EIF4E: variants seen among roughly 807,000 people sequenced by gnomAD.
The protein encoded by EIF4E is eukaryotic translation initiation factor 4E, also known as eIF-4F 25 kDa subunit.
For synonymous variants in EIF4E, 71 were observed against 88.5 expected (o/e 0.80, Z 1.11); for missense variants, 113 against 265.6 (o/e 0.43, Z 3.99).
intron 6 of EIF4E, among the ~76,000 whole-genome samples, chr4:98,883,393 A>ATTTTTTTT (rs11408890): frequency 2.2e-4 from 23 of 103,894 alleles, no homozygotes; most frequent in South Asian, 6.5e-4. Context: ...TGTAAGTCAA[A>ATTTTTTTT]TTTTTTTTTT....
chr4:98,887,261 A>G lies in EIF4E; in HGVS notation c.286-69T>C. ...TGACTTTGAGAGATAATCATTAGAAACAGTTAAGCAACAACACTGTCAACT... is the reference window on the plus strand; with the variant it reads ...TGACTTTGAGAGATAATCATTAGAAGCAGTTAAGCAACAACACTGTCAACT... On this transcript the variant is annotated intron_variant, in intron 4 of 6. Transcript: ENST00000450253. This position sits in a 1 kb window ranked among gnomAD's most constrained non-coding sequence, Gnocchi z 4.0. The G allele has an allele frequency of 6.7e-7, 1 of 1,486,568 alleles. No homozygotes were observed. Among genetic ancestry groups the G allele is most frequent in the Non-Finnish European group, 9.4e-7 (1 of 1,065,450 alleles). 92.1% of individuals were successfully genotyped at this position (1,486,568 alleles called of 1,614,324 possible). A position where few individuals can be genotyped will look rare whatever the true frequency, so the allele number is the denominator to read the frequency against.
At chr4:98,881,223 A>G (rs1723679787) in intron 6 of EIF4E, 81 bp from the exon 7 acceptor site, 2 of 1,520,286 alleles carry the variant, frequency 1.3e-6, no homozygotes, top group Non-Finnish European at 1.8e-6. Flanking sequence ...ATTTAGGGTT[A>G]TTAGTCTTTA....
chr4:98,915,348 A>G (rs575188190), intron 1 of EIF4E, among the ~76,000 whole-genome samples: 9 of 152,258 alleles, frequency 5.9e-5, no homozygotes. Flanking sequence ...GTGAACCAAA[A>G]TATTACCAGA....
chr4:98,887,931 C>A lies in EIF4E; in HGVS notation c.243G>T (p.Leu81Phe), dbSNP rs1191807310. The A allele has an allele frequency of 6.2e-7, 1 of 1,612,558 alleles. No individual in the cohort carries two copies. The highest frequency in any genetic ancestry group is 1.7e-5 in the Admixed American group (1 of 59,972). The change falls in exon 4 of 7, where the codon TTG becomes TTT. Residue 81 changes from leucine (L) to phenylalanine (F), a missense_variant. Coordinates refer to ENST00000450253, the MANE Select transcript of EIF4E (RefSeq NM_001968.5). The surrounding 1 kb of genome is among the most constrained non-coding windows in gnomAD (Gnocchi z 4.0). ...CACAGCCAGGCATTAAATTACTAGA[C>A]AACTGGATATGGTTGTACAGACTAG... ...DFWALYNHIQ[L>F]SSNLMPGCDY...
chr4:98,901,791 A>G, intron 2 of EIF4E, 85 bp downstream of exon 2: 1 of 1,253,898 alleles, frequency 8.0e-7, no homozygotes, highest in Admixed American at 1.7e-5. Flanking sequence ...AACTAGTCTC[A>G]TAATCTAACT....
At chr4:98,888,007 G>T (rs896672054) in intron 3 of EIF4E, 55 bp from the exon 4 acceptor site, 27 of 1,399,644 alleles carry the variant, frequency 1.9e-5, no homozygotes, top group Middle Eastern at 2.5e-4. Context: ...TAGAGTTTAG[G>T]TGCTTACATA....
intron 1 of EIF4E, among the ~76,000 whole-genome samples, chr4:98,927,753 C>A (rs921737145): frequency 3.5e-5 from 5 of 141,282 alleles, no homozygotes; most frequent in South Asian, 2.3e-4. Flanking sequence ...AAAAGATACA[C>A]AAAAGTATCT....
intron 2 of EIF4E, among the ~76,000 whole-genome samples, chr4:98,893,267 G>A (rs1325818704): frequency 6.6e-6 from 1 of 152,230 alleles, no homozygotes; most frequent in Non-Finnish European, 1.5e-5. Context: ...GCTGCTGACT[G>A]ATCAGAGTAG....
chr4:98,902,166 G>T (rs1322923944), intron 1 of EIF4E, among the ~76,000 whole-genome samples, 184 bp from the exon 2 acceptor site: 2 of 152,072 alleles, frequency 1.3e-5, no homozygotes, highest in Non-Finnish European at 2.9e-5. Flanking sequence ...CCTCCTCCCA[G>T]GTTCAAGCAG....
intron 2 of EIF4E, among the ~76,000 whole-genome samples, chr4:98,901,526 G>T (rs1019528399): frequency 1.2e-4 from 18 of 152,106 alleles, no homozygotes; most frequent in African/African-American, 3.6e-4. Context: ...CACTGTCTTT[G>T]TATGTCCATC....
intron 2 of EIF4E, among the ~76,000 whole-genome samples, chr4:98,892,123 G>C (rs537368875): frequency 2.8e-4 from 42 of 152,052 alleles, no homozygotes; most frequent in Admixed American, 7.9e-4. Flanking sequence ...GAGGTGGGCG[G>C]ATCACCTGAG....
chr4:98,896,653 G>T (rs1170480827), intron 2 of EIF4E, among the ~76,000 whole-genome samples: 1 of 113,320 alleles, frequency 8.8e-6, no homozygotes, highest in Non-Finnish European at 1.7e-5. Flanking sequence ...GACAGAATGG[G>T]ACCATGTCTC....
intron 1 of EIF4E, among the ~76,000 whole-genome samples, chr4:98,912,819 C>G (rs1419701291): frequency 6.6e-6 from 1 of 152,108 alleles, no homozygotes; most frequent in Non-Finnish European, 1.5e-5. Flanking sequence ...ACTTAGAAAA[C>G]ATAACTAAAA....
At chr4:98,915,842 G>A (rs887205812) in intron 1 of EIF4E, among the ~76,000 whole-genome samples, 3 of 151,400 alleles carry the variant, frequency 2.0e-5, no homozygotes, top group African/African-American at 7.3e-5. Context: ...GCGCCTGGCC[G>A]TTATCTTTAA....
intron 1 of EIF4E, among the ~76,000 whole-genome samples, chr4:98,928,093 C>T (rs1721283589): frequency 6.6e-6 from 1 of 152,210 alleles, no homozygotes; most frequent in South Asian, 2.1e-4. Context: ...TTCCAATAAA[C>T]TGCGTCTCAG....
intron 1 of EIF4E, among the ~76,000 whole-genome samples, chr4:98,902,340 G>A (rs185280336): frequency 7.2e-5 from 11 of 152,334 alleles, no homozygotes; most frequent in Admixed American, 7.2e-4. Flanking sequence ...AAAGTGCTGG[G>A]ATTACAGGCG....
Position 98,911,992 on chromosome 4 carries a change from C to T in EIF4E, c.19-10010G>A, listed in dbSNP as rs150274037. On this transcript the variant is annotated intron_variant, in intron 1 of 6. Transcript: ENST00000450253. ...TTTACAGGCCGGGCACAGTGGCTCA[C>T]GCATATAATCCCAGCACTTTGGGAG... 2.9e-3 allele frequency among the ~76,000 whole-genome samples: 433 copies of T among 151,822 alleles called. 4 individuals carry two copies. Among genetic ancestry groups the T allele is most frequent in the African/African-American group, 9.3e-3 (387 of 41,398 alleles).
At chr4:98,909,550 T>G (rs1725016441) in intron 1 of EIF4E, 1 of 641,900 alleles carries the variant, frequency 1.6e-6, no homozygotes, top group Admixed American at 3.0e-5. Flanking sequence ...GGCTTCTAAC[T>G]CCACTGAATC....
intron 1 of EIF4E, among the ~76,000 whole-genome samples, chr4:98,922,982 G>C (rs1246752735): frequency 6.6e-6 from 1 of 151,670 alleles, no homozygotes; most frequent in Non-Finnish European, 1.5e-5. Flanking sequence ...CAAGAAGCTG[G>C]GGTTACAGGC....
Sources: allele counts gnomAD v4.1 joint callset (sites outside exome capture counted in the v4.1 genomes callset), GRCh38; gene constraint gnomAD v4.1.1; non-coding constraint Gnocchi (gnomAD v3.1); transcripts MANE v1.5; gene names NCBI Gene and HGNC (gene_info 2026-07-23, HGNC 2026-07-21).